Variants in GNG7 observed in about 807,000 individuals in gnomAD.
The protein encoded by GNG7 is guanine nucleotide-binding protein G(I)/G(S)/G(O) subunit gamma-7.
GNG7 carries 1 observed loss-of-function variant against 4.0 expected under a neutral mutation model. The ratio of observed to expected loss-of-function variants is 0.25; its 90% CI spans 0.09 to 1.18. The LOEUF (loss-of-function observed/expected upper bound fraction) is 1.18, where lower values mean the gene tolerates loss of function less well. Among genes scored for constraint, GNG7 ranks in the 50% most tolerant of loss-of-function variants. GNG7 has a pLI of 0.50. For synonymous variants in GNG7, 34 were observed against 36.9 expected (o/e 0.92, Z 0.29); for missense variants, 86 against 91.9 (o/e 0.94, Z 0.26).
chr19:2,687,883 G>A (rs1036606271), intron 1 of GNG7, among the ~76,000 whole-genome samples: 4 of 151,846 alleles, frequency 2.6e-5, no homozygotes, highest in Non-Finnish European at 5.9e-5. Context: ...GCTGAGGCAG[G>A]AGAATCAGTT....
chr19:2,662,937 T>C lies in GNG7; in HGVS notation c.-134-16657A>G, dbSNP rs76891104. Among the ~76,000 whole-genome samples the C allele has an allele frequency of 6.8e-3, 1,037 of 152,212 alleles. 16 individuals carry two copies. The highest frequency in any genetic ancestry group is 0.024 in the African/African-American group (983 of 41,532). On this transcript the variant is annotated intron_variant, in intron 1 of 4. Coordinates refer to ENST00000382159, the MANE Select transcript of GNG7 (RefSeq NM_052847.3). ...CGACTTATCATCATACAAAAAGACA[T>C]GACTTTGCAGATTCCAAGGATTTTA...
chr19:2,541,975 T>A (rs1978975426), intron 3 of GNG7, among the ~76,000 whole-genome samples: 1 of 151,680 alleles, frequency 6.6e-6, no homozygotes. Context: ...TGGGAAGAAA[T>A]GGTGCTTCTG....
chr19:2,551,151 C>T (rs1225556000), intron 3 of GNG7, among the ~76,000 whole-genome samples: 1 of 152,222 alleles, frequency 6.6e-6, no homozygotes, highest in Non-Finnish European at 1.5e-5. Context: ...TCAGCCAGCA[C>T]TTGTGTGTCC....
At chr19:2,598,762 C>T (rs1218615956) in intron 2 of GNG7, among the ~76,000 whole-genome samples, 1 of 151,090 alleles carries the variant, frequency 6.6e-6, no homozygotes, top group African/African-American at 2.4e-5. Flanking sequence ...AATCAGACAT[C>T]GGGTGCATTT....
At chr19:2,604,492 AAAGG>A (rs1226926268) in intron 2 of GNG7, among the ~76,000 whole-genome samples, 31 of 131,488 alleles carry the variant, frequency 2.4e-4, no homozygotes, top group African/African-American at 7.9e-4. Context: ...AAAATGAATG[AAAGG>A]AAGGAAGGAA....
chr19:2,516,275 A>T (rs569611965), intron 4 of GNG7, among the ~76,000 whole-genome samples: 1 of 152,276 alleles, frequency 6.6e-6, no homozygotes, highest in Non-Finnish European at 1.5e-5. Flanking sequence ...AAATTAAAAA[A>T]AGAAAAATGC....
At chr19:2,632,472 ACT>A (rs1230117101) in intron 2 of GNG7, 2 of 117,206 alleles carry the variant, frequency 1.7e-5, no homozygotes, top group African/African-American at 9.9e-5. Context: ...TATAAACAAA[ACT>A]CACACACACA....
At chr19:2,604,560 G>C in intron 2 of GNG7, among the ~76,000 whole-genome samples, 1 of 142,888 alleles carries the variant, frequency 7.0e-6, no homozygotes, top group South Asian at 2.3e-4. Context: ...AAGGAAGGAA[G>C]CGAGGGACAG....
At chr19:2,608,628 G>A (rs933829913) in intron 2 of GNG7, among the ~76,000 whole-genome samples, 2 of 152,234 alleles carry the variant, frequency 1.3e-5, no homozygotes, top group African/African-American at 4.8e-5. Context: ...CCAGGGCAAG[G>A]GGCCGGGTGC....
rs17755118 is a variant in GNG7 at position 2,514,734 on chromosome 19, C to T, written c.*288G>A. 22,791 of 232,434 alleles carry T rather than the reference C, an allele frequency of 0.098. 1,279 individuals are homozygous for T. The highest frequency in any genetic ancestry group is 0.14 in the Middle Eastern group (95 of 700). 14.4% of individuals were successfully genotyped at this position (232,434 alleles called of 1,614,324 possible). ...GCTGGGGGATTTCAGTTATTCCGAA[C>T]GGGAAGTGGCCGTAAAGCCTCCATC... On this transcript the variant is annotated 3_prime_UTR_variant, in exon 5 of 5. Transcript: ENST00000382159.
At chr19:2,535,475 G>A (rs1416961082) in intron 3 of GNG7, among the ~76,000 whole-genome samples, 2 of 150,592 alleles carry the variant, frequency 1.3e-5, no homozygotes, top group Non-Finnish European at 3.0e-5. Flanking sequence ...ACTCCAGCCT[G>A]GGTGACAGAG....
In GNG7 at chr19:2,633,553, C is replaced by T. The variant is rs911260500; in HGVS notation, c.-78+12671G>A. On this transcript the variant is annotated intron_variant, in intron 2 of 4. Coordinates refer to ENST00000382159, the MANE Select transcript of GNG7 (RefSeq NM_052847.3). The surrounding 1 kb of genome is among the most constrained non-coding windows in gnomAD (Gnocchi z 5.9). ...AGGTGGCTGTGGTCTGCACACTGGG[C>T]TGGGGTACTCAGATCCCCGGGCTCG... Among the ~76,000 whole-genome samples, 1 of 150,974 alleles carries T rather than the reference C, an allele frequency of 6.6e-6. No individual in the cohort carries two copies. The highest frequency in any genetic ancestry group is 2.0e-4 in the East Asian group (1 of 5,126).
At chr19:2,675,617 T>C (rs539683595) in intron 1 of GNG7, among the ~76,000 whole-genome samples, 6 of 152,156 alleles carry the variant, frequency 3.9e-5, no homozygotes, top group African/African-American at 1.4e-4. Context: ...GGGAAATATT[T>C]CCCCAGGATC....
chr19:2,607,562 T>TAAAAAAAA (rs57077280), intron 2 of GNG7, among the ~76,000 whole-genome samples: 2 of 110,574 alleles, frequency 1.8e-5, no homozygotes, highest in African/African-American at 7.3e-5. Flanking sequence ...ACTAAAATGG[T>TAAAAAAAA]AAAAAAAAAA....
At chr19:2,640,692 T>C (rs7253376) in intron 2 of GNG7, among the ~76,000 whole-genome samples, 68,937 of 151,796 alleles carry the variant, frequency 0.45, 15,729 homozygotes, top group Non-Finnish European at 0.49. Context: ...AGTGGTGTGA[T>C]CTCGGCTCAC....
chr19:2,645,563 T>A (rs976930323), intron 2 of GNG7, among the ~76,000 whole-genome samples: 13 of 103,026 alleles, frequency 1.3e-4, no homozygotes, highest in African/African-American at 4.1e-4. Flanking sequence ...TAAAAAAAAA[T>A]TTTGTTTTAA....
chr19:2,551,615 A>G (rs12975185), intron 3 of GNG7, among the ~76,000 whole-genome samples: 1 of 147,638 alleles, frequency 6.8e-6, no homozygotes, highest in Non-Finnish European at 1.5e-5. Context: ...AAACAAATAT[A>G]TATTTATAAA....
chr19:2,525,652 G>A lies in GNG7; in HGVS notation c.-37-4927C>T, dbSNP rs117129827. ...TGGCAGCACCGGCAGGGAGGGAGGT[G>A]GGACCACAGGGACCCCCAGGGAGCA... On this transcript the variant is annotated intron_variant, in intron 3 of 4. Transcript: ENST00000382159. Among the ~76,000 whole-genome samples the A allele has an allele frequency of 6.9e-4, 105 of 152,268 alleles. 2 individuals are homozygous for A. The East Asian group carries it at 0.018, about 26-fold the overall frequency.
At position 2,618,345 on chromosome 19, in the gene GNG7, G is replaced by A. The variant is rs975147250; in HGVS notation, c.-78+27879C>T. ...TCTTTTCTACCTGTATGTGTGTGGT[G>A]TGTGTGTGTGTGTGTGTGTGTGTGT... On this transcript the variant is annotated intron_variant, in intron 2 of 4. Coordinates refer to ENST00000382159, the MANE Select transcript of GNG7 (RefSeq NM_052847.3). This position sits in a 1 kb window ranked among gnomAD's most constrained non-coding sequence, Gnocchi z 5.1. Among the ~76,000 whole-genome samples, 3 of 115,834 alleles carry A rather than the reference G, an allele frequency of 2.6e-5. No homozygotes were observed. Among genetic ancestry groups the A allele is most frequent in the Admixed American group, 2.3e-4 (3 of 12,810 alleles). 76.0% of individuals were successfully genotyped at this position (115,834 alleles called of 152,430 possible).
Sources: allele counts gnomAD v4.1 joint callset (sites outside exome capture counted in the v4.1 genomes callset), GRCh38; gene constraint gnomAD v4.1.1; non-coding constraint Gnocchi (gnomAD v3.1); transcripts MANE v1.5; gene names NCBI Gene and HGNC (gene_info 2026-07-23, HGNC 2026-07-21).